ZNF41: variants seen among roughly 807,000 people sequenced by gnomAD.
ZNF41 encodes zinc finger protein 41.
A neutral mutation model predicts 9.3 loss-of-function variants in ZNF41; 6 were observed. The observed-to-expected ratio is 0.65, with a 90% CI of 0.35 to 1.28. The LOEUF (loss-of-function observed/expected upper bound fraction) is 1.28, where lower values mean the gene tolerates loss of function less well. Among genes scored for constraint, ZNF41 ranks in the 50% most tolerant of loss-of-function variants. The pLI, the probability that ZNF41 is intolerant of heterozygous loss-of-function variation, is 0.03. For missense variants in ZNF41, 523 were observed against 585.8 expected, an observed-to-expected ratio of 0.89 and a Z score of 1.11; for synonymous variants, 192 against 207.1, an observed-to-expected ratio of 0.93 and a Z score of 0.63.
At chrX:47,462,910 G>GTATATATATATA (rs61273021) in intron 2 of ZNF41, among the ~76,000 whole-genome samples, 16 of 92,758 alleles carry the variant, frequency 1.7e-4, no homozygotes, top group African/African-American at 6.0e-4. Flanking sequence ...TTTTTTGTAT[G>GTATATATATATA]TATATATATA....
chrX:47,448,447 G>A lies in ZNF41; in HGVS notation c.1323C>T (p.Cys441=), dbSNP rs746076782. 4.8e-5 allele frequency: 58 copies of A among 1,209,285 alleles called. No individual in the cohort carries two copies. Among genetic ancestry groups the A allele is most frequent in the Middle Eastern group, 4.6e-4 (2 of 4,375 alleles). ...GGATGAAGGCCTTCCCACAGTCAGC[G>A]CATACATAAGGTTTCTCTCCCGTGT... ...RIHTGEKPYV[C]ADCGKAFIQK... Residue 441 remains cysteine (C), a synonymous_variant, in exon 5 of 5, where the codon TGC becomes TGT. Transcript: ENST00000684689.
Position 47,448,543 on chromosome X carries a change from T to C in ZNF41, c.1227A>G (p.Lys409=). The part of the protein sequence containing the change: ...SIHQKTHTGE[K]HYECNECGKA... ...TCCCACATTCATTGCATTCATAGTG[T>C]TTCTCTCCGGTATGAGTTTTCTGAT... Residue 409 remains lysine, a synonymous_variant, in exon 5 of 5, where the codon AAA becomes AAG. Coordinates refer to ENST00000684689, the MANE Select transcript of ZNF41 (RefSeq NM_001324144.2). The C allele has an allele frequency of 1.7e-6, 2 of 1,211,884 alleles. No individual in the cohort carries two copies. The highest frequency in any genetic ancestry group is 1.1e-6 in the Non-Finnish European group (1 of 895,580).
In ZNF41 at chrX:47,469,260, G is replaced by A. The variant is rs376122419; in HGVS notation, c.-279-1500C>T. Among the ~76,000 whole-genome samples, 261 of 83,658 alleles carry A rather than the reference G, an allele frequency of 3.1e-3. 2 individuals carry two copies. Among genetic ancestry groups the A allele is most frequent in the African/African-American group, 0.011 (251 of 22,135 alleles). 72.6% of individuals were successfully genotyped at this position (83,658 alleles called of 115,157 possible). A position where few individuals can be genotyped will look rare whatever the true frequency, so the allele number is the denominator to read the frequency against. The stretch of plus-strand genomic sequence containing the variant: ...CGGGAGGCAGAGCTTGCAGTGAGCC[G>A]AGATCCCGCCACTGCACTCCAGCCT... On this transcript the variant is annotated intron_variant, in intron 1 of 4. Coordinates refer to ENST00000684689, the MANE Select transcript of ZNF41 (RefSeq NM_001324144.2).
chrX:47,460,714 C>G (rs1341055936), intron 2 of ZNF41, among the ~76,000 whole-genome samples: 2 of 111,898 alleles, frequency 1.8e-5, no homozygotes, highest in Non-Finnish European at 3.8e-5. Context: ...ATTACACAAC[C>G]CCTAGAAAGT....
chrX:47,465,032 C>T (rs894909936), intron 2 of ZNF41, among the ~76,000 whole-genome samples: 1 of 111,238 alleles, frequency 9.0e-6, no homozygotes, highest in African/African-American at 3.3e-5. Context: ...ACTACAGGTG[C>T]ACACCACCAC....
chrX:47,457,794 G>A lies in ZNF41; in HGVS notation c.73-1396C>T, dbSNP rs146627122. Among the ~76,000 whole-genome samples the A allele has an allele frequency of 3.0e-3, 341 of 112,244 alleles. 2 individuals are homozygous for A. Among genetic ancestry groups the A allele is most frequent in the African/African-American group, 0.011 (327 of 30,990 alleles). On this transcript the variant is annotated intron_variant, in intron 2 of 4. Transcript: ENST00000684689. ...GGAGGTTGCAGTGAGCTGAGATCAC[G>A]CCACTGCACTCCAGCCTGGGCGACA...
At chrX:47,476,839 T>A (rs1249145949) in intron 1 of ZNF41, 3 of 82,333 alleles carry the variant, frequency 3.6e-5, no homozygotes, top group Non-Finnish European at 4.7e-5. Flanking sequence ...GGTGGATCGC[T>A]TGAGGTCAGG....
At chrX:47,450,910 C>A (rs1263118579) in intron 4 of ZNF41, among the ~76,000 whole-genome samples, 3 of 111,819 alleles carry the variant, frequency 2.7e-5, no homozygotes, top group African/African-American at 9.8e-5. Flanking sequence ...TGAACTGGAC[C>A]CATTCACCTC....
chrX:47,445,287 A>G lies in ZNF41; in HGVS notation c.*2143T>C, dbSNP rs1035779192. On this transcript the variant is annotated 3_prime_UTR_variant, in exon 5 of 5. Transcript: ENST00000684689. ...GCTATAATAAAAAAGACTAATAATA[A>G]TAAGAGTTGGTAAGGATGTGGAGAA... 4.5e-5 allele frequency among the ~76,000 whole-genome samples: 5 copies of G among 111,733 alleles called. No individual in the cohort carries two copies. Among genetic ancestry groups the G allele is most frequent in the Non-Finnish European group, 9.4e-5 (5 of 53,201 alleles).
intron 2 of ZNF41, among the ~76,000 whole-genome samples, chrX:47,461,413 T>C (rs1300640208): frequency 2.8e-5 from 3 of 106,757 alleles, no homozygotes; most frequent in East Asian, 3.0e-4. Flanking sequence ...ATTTTCTTTT[T>C]TTCCTTTGTT....
In ZNF41 at chrX:47,449,056, T is replaced by A; in HGVS notation, c.714A>T (p.Thr238=). The A allele has an allele frequency of 8.3e-7, 1 of 1,211,727 alleles. No individual in the cohort carries two copies. The highest frequency in any genetic ancestry group is 1.8e-5 in the South Asian group (1 of 56,984). ...GGTCATGTTCACAGGAATTTGCTCC[T>A]GTTTTAGCATTCTCATTCTTAGTAG... ...PSSTKNENAK[T]GANSCEHDHY... Residue 238 remains threonine, a synonymous_variant, in exon 5 of 5, where the codon ACA becomes ACT. Transcript: ENST00000684689.
Position 47,456,256 on chromosome X carries a change from G to A in ZNF41, c.199+16C>T. Reference sequence around the variant, plus strand: ...AAATACCCTCATTAGCAGATGCATAGGGCGGCCGTGCTTACCCACTGAGAG... The same window carrying A: ...AAATACCCTCATTAGCAGATGCATAAGGCGGCCGTGCTTACCCACTGAGAG... On this transcript the variant is annotated intron_variant, in intron 3 of 4. Transcript: ENST00000684689. The A allele has an allele frequency of 8.3e-7, 1 of 1,210,955 alleles. No homozygotes were observed. Among genetic ancestry groups the A allele is most frequent in the East Asian group, 3.0e-5 (1 of 33,812 alleles).
At chrX:47,465,108 C>T (rs937608408) in intron 2 of ZNF41, among the ~76,000 whole-genome samples, 3 of 112,561 alleles carry the variant, frequency 2.7e-5, no homozygotes, top group African/African-American at 9.7e-5. Context: ...TGGTCTCAAA[C>T]TCCTGAGCTC....
Position 47,469,310 on chromosome X carries a change from C to CAAAAA in ZNF41, c.-279-1555_-279-1551dup, listed in dbSNP as rs749426044. 7.8e-3 allele frequency among the ~76,000 whole-genome samples: 279 copies of CAAAAA among 35,905 alleles called. 5 individuals carry two copies. Among genetic ancestry groups the CAAAAA allele is most frequent in the East Asian group, 9.9e-3 (10 of 1,006 alleles). 31.2% of individuals were successfully genotyped at this position (35,905 alleles called of 115,157 possible). A position where few individuals can be genotyped will look rare whatever the true frequency, so the allele number is the denominator to read the frequency against. ...TGGGCGACAGAGCGAGACTCCGTCTCAAAAAAAAAAAAAAAAAAAAAAAAA... is the reference window on the plus strand; with the variant it reads ...TGGGCGACAGAGCGAGACTCCGTCTCAAAAAAAAAAAAAAAAAAAAAAAAAAAAAA... On this transcript the variant is annotated intron_variant, in intron 1 of 4. Transcript: ENST00000684689.
At chrX:47,474,694 T>C (rs1302534163) in intron 1 of ZNF41, among the ~76,000 whole-genome samples, 4 of 104,397 alleles carry the variant, frequency 3.8e-5, no homozygotes, top group South Asian at 4.4e-4. Context: ...CTGGGCAACA[T>C]GGTGAGACCC....
chrX:47,449,341 C>T lies in ZNF41; in HGVS notation c.429G>A (p.Gln143=). Residue 143 remains glutamine (Q), a synonymous_variant, in exon 5 of 5, where the codon CAG becomes CAA. Transcript: ENST00000684689. Reference sequence around the variant, plus strand: ...TCTGGTTTTCCTGACGTTGCTCTAGCTGGTCATTATCTTGCCACAGTTCTT... The same window carrying T: ...TCTGGTTTTCCTGACGTTGCTCTAGTTGGTCATTATCTTGCCACAGTTCTT... ...ILEELWQDND[Q]LEQRQENQNN... 1 of 1,211,610 alleles carries T rather than the reference C, an allele frequency of 8.3e-7. No homozygotes were observed. The highest frequency in any genetic ancestry group is 1.1e-6 in the Non-Finnish European group (1 of 895,481).
chrX:47,466,341 T>C (rs1204849996), intron 2 of ZNF41, among the ~76,000 whole-genome samples: 2 of 110,587 alleles, frequency 1.8e-5, no homozygotes, highest in Admixed American at 9.7e-5. Flanking sequence ...GGCTCGCTCG[T>C]GGTCCTCCTC....
At chrX:47,454,257 A>T (rs1245293917) in intron 4 of ZNF41, among the ~76,000 whole-genome samples, 1 of 110,793 alleles carries the variant, frequency 9.0e-6, no homozygotes, top group East Asian at 2.8e-4. Flanking sequence ...GAACAAGGTA[A>T]TTCATAGGAG....
Position 47,446,406 on chromosome X carries a change from C to A in ZNF41, c.*1024G>T, listed in dbSNP as rs2056114873. ...ATGTAGGAAATGAATATACCTTAAC[C>A]AAATAGGAAGAAAAACAAAATATTA... is the stretch of plus-strand genomic sequence containing the variant. On this transcript the variant is annotated 3_prime_UTR_variant, in exon 5 of 5. Coordinates refer to ENST00000684689, the MANE Select transcript of ZNF41 (RefSeq NM_001324144.2). 1 of 110,922 alleles carries A rather than the reference C, an allele frequency of 9.0e-6. No individual in the cohort carries two copies. Among genetic ancestry groups the A allele is most frequent in the Non-Finnish European group, 1.9e-5 (1 of 52,973 alleles). The allele number at this position is 110,922 out of a possible 1,213,427, so 9.1% of individuals were successfully genotyped here. A position where few individuals can be genotyped will look rare whatever the true frequency, so the allele number is the denominator to read the frequency against.
Sources: gnomAD v4.1 joint callset for allele counts (sites outside exome capture counted in the v4.1 genomes callset) on GRCh38, gnomAD v4.1.1 for gene constraint, MANE v1.5 for transcripts, NCBI Gene and HGNC (gene_info 2026-07-23, HGNC 2026-07-21) for gene names.